Variants in DNAH14 observed in about 807,000 individuals in gnomAD.
DNAH14 encodes the protein dynein axonemal heavy chain 14.
Under a neutral mutation model 520.9 loss-of-function variants are expected in DNAH14, and 478 were observed. That is an observed-to-expected ratio of 0.92 (90% CI 0.85 to 0.99). The LOEUF is 0.99. Among genes scored for constraint, DNAH14 ranks in the 50% least tolerant of loss-of-function variants. DNAH14 has a pLI of 0.00. For synonymous variants in DNAH14, 1,581 were observed against 1,757.2 expected (o/e 0.90, Z 2.51); for missense variants, 4,831 against 5,234.5 (o/e 0.92, Z 2.38).
chr1:225,229,765 C>A (rs1389959014), intron 41 of DNAH14, among the ~76,000 whole-genome samples: 1 of 150,544 alleles, frequency 6.6e-6, no homozygotes, highest in Non-Finnish European at 1.5e-5. Flanking sequence ...TGGGGCCTGT[C>A]AGGGGTGGGG....
intron 21 of DNAH14, among the ~76,000 whole-genome samples, chr1:225,095,127 C>A (rs1267314240): frequency 6.6e-6 from 1 of 152,048 alleles, no homozygotes; most frequent in African/African-American, 2.4e-5. Context: ...TACCATTCAA[C>A]CTAGCAATCC....
At chr1:224,978,934 G>C (rs1244231878) in intron 8 of DNAH14, among the ~76,000 whole-genome samples, 5 of 152,080 alleles carry the variant, frequency 3.3e-5, no homozygotes, top group Non-Finnish European at 7.4e-5. Context: ...GGTCACTGTG[G>C]CTGACCCTTA....
At chr1:225,187,418 C>T (rs1250509179) in intron 37 of DNAH14, among the ~76,000 whole-genome samples, 1 of 151,638 alleles carries the variant, frequency 6.6e-6, no homozygotes, top group Non-Finnish European at 1.5e-5. Flanking sequence ...TGGGTTTTTT[C>T]TACCTTTTGG....
chr1:225,221,177 C>T (rs991524971), intron 41 of DNAH14, among the ~76,000 whole-genome samples: 9 of 151,884 alleles, frequency 5.9e-5, no homozygotes, highest in East Asian at 5.8e-4. Context: ...AAAACTTAAA[C>T]GTCAGACCTA....
chr1:225,307,612 A>G (rs2094273838), intron 59 of DNAH14, 43 bp downstream of exon 59: 2 of 1,430,660 alleles, frequency 1.4e-6, no homozygotes, highest in African/African-American at 1.5e-5. Context: ...TTATAGTCTA[A>G]TATAGAACAG....
intron 41 of DNAH14, among the ~76,000 whole-genome samples, chr1:225,207,812 G>A (rs781362576): frequency 2.6e-5 from 4 of 152,084 alleles, no homozygotes; most frequent in East Asian, 1.9e-4. Flanking sequence ...CTGAGGTGAC[G>A]TAAGATGGTT....
intron 3 of DNAH14, among the ~76,000 whole-genome samples, chr1:224,956,255 G>C (rs1420793665): frequency 6.6e-6 from 1 of 151,886 alleles, no homozygotes; most frequent in Non-Finnish European, 1.5e-5. Flanking sequence ...AGTGTTTCCT[G>C]TTCTCTCTGG....
At chr1:225,004,482 A>G (rs2064013421) in intron 9 of DNAH14, among the ~76,000 whole-genome samples, 1 of 152,206 alleles carries the variant, frequency 6.6e-6, no homozygotes, top group Non-Finnish European at 1.5e-5. Flanking sequence ...TTAAATAAAG[A>G]ATATAAATGT....
At chr1:225,181,257 T>C (rs2083959510) in intron 36 of DNAH14, among the ~76,000 whole-genome samples, 2 of 152,332 alleles carry the variant, frequency 1.3e-5, no homozygotes, top group African/African-American at 4.8e-5. Context: ...ATTTCATATC[T>C]TTGCTACTAT....
chr1:225,050,233 G>T lies in DNAH14; in HGVS notation c.1936G>T (p.Asp646Tyr). ...CITTITPLCQ[D>Y]PQLSIFIDLV... ...AGCCACAATTACTCCTCTTTGCCAAGATCCCCAGCTGTCTATCTTCATTGA... is the reference window on the plus strand; with the variant it reads ...AGCCACAATTACTCCTCTTTGCCAATATCCCCAGCTGTCTATCTTCATTGA... The change falls in exon 16 of 86, where the codon GAT becomes TAT. Residue 646 changes from aspartate (D) to tyrosine (Y), a missense_variant. Asp to Tyr is a radical substitution (Grantham distance 160, BLOSUM62 -3). Transcript: ENST00000682510. 1 of 1,539,734 alleles carries T rather than the reference G, an allele frequency of 6.5e-7. No individual in the cohort carries two copies. Among genetic ancestry groups the T allele is most frequent in the Non-Finnish European group, 8.7e-7 (1 of 1,143,884 alleles).
intron 17 of DNAH14, among the ~76,000 whole-genome samples, chr1:225,075,292 C>T (rs2148521967): frequency 6.6e-6 from 1 of 152,250 alleles, no homozygotes; most frequent in Admixed American, 6.5e-5. Context: ...TTGCTTTTCT[C>T]TGTTCTCCGT....
intron 83 of DNAH14, among the ~76,000 whole-genome samples, chr1:225,390,271 A>G (rs1043307744): frequency 6.6e-6 from 1 of 152,200 alleles, no homozygotes; most frequent in African/African-American, 2.4e-5. Flanking sequence ...TTCTGTAACA[A>G]GACTTGATGA....
At chr1:225,263,376 A>T (rs1053503511) in intron 46 of DNAH14, among the ~76,000 whole-genome samples, 2 of 151,794 alleles carry the variant, frequency 1.3e-5, no homozygotes, top group Non-Finnish European at 2.9e-5. Context: ...AATAAACGGG[A>T]CGCAGTTATT....
chr1:225,027,255 C>T (rs2066186374), intron 11 of DNAH14, among the ~76,000 whole-genome samples: 1 of 151,942 alleles, frequency 6.6e-6, no homozygotes, highest in African/African-American at 2.4e-5. Flanking sequence ...TTTTTATTGC[C>T]TAATTCCTCT....
At chr1:225,198,248 C>G (rs963589345) in intron 38 of DNAH14, among the ~76,000 whole-genome samples, 2 of 150,244 alleles carry the variant, frequency 1.3e-5, no homozygotes, top group Non-Finnish European at 3.0e-5. Context: ...GATGGAGTCT[C>G]ACTGTGTTGC....
intron 65 of DNAH14, 143 bp downstream of exon 65, chr1:225,331,720 TCC>T: frequency 8.8e-7 from 1 of 1,141,438 alleles, no homozygotes. Context: ...TCAGTAGACA[TCC>T]TATTCACATA....
chr1:225,318,159 A>G (rs934756533), intron 60 of DNAH14, among the ~76,000 whole-genome samples: 1 of 152,232 alleles, frequency 6.6e-6, no homozygotes, highest in African/African-American at 2.4e-5. Context: ...TTGCAAAATG[A>G]AAACATATGA....
chr1:225,111,602 T>G lies in DNAH14; in HGVS notation c.3868-6082T>G, dbSNP rs568275658. Among the ~76,000 whole-genome samples the G allele has an allele frequency of 6.4e-4, 98 of 152,132 alleles. 3 individuals carry two copies. In the South Asian group the frequency reaches 0.019, roughly 30 times the overall value. ...ATCTATTCAGCCACTTTATGTCCTA[T>G]TGGAGAGTTTGGTCCATTTACATTC... On this transcript the variant is annotated intron_variant, in intron 23 of 85. Coordinates refer to ENST00000682510, the MANE Select transcript of DNAH14 (RefSeq NM_001367479.1).
At position 225,376,707 on chromosome 1, in the gene DNAH14, T is replaced by A. The variant is rs549778995; in HGVS notation, c.12517-530T>A. Among the ~76,000 whole-genome samples the A allele has an allele frequency of 3.3e-5, 5 of 152,306 alleles. No individual in the cohort carries two copies. The East Asian group carries it at 9.6e-4, about 29-fold the overall frequency. On this transcript the variant is annotated intron_variant, in intron 78 of 85. Transcript: ENST00000682510. ...TAATCTTGCTTCTTCTGCAGGTAATTTTTTTAATCAGTGACTGTTATTTGA... is the reference window on the plus strand; with the variant it reads ...TAATCTTGCTTCTTCTGCAGGTAATATTTTTAATCAGTGACTGTTATTTGA...
Sources: gnomAD v4.1 joint callset for allele counts (sites outside exome capture counted in the v4.1 genomes callset) on GRCh38, gnomAD v4.1.1 for gene constraint, MANE v1.5 for transcripts, NCBI Gene and HGNC (gene_info 2026-07-23, HGNC 2026-07-21) for gene names.